MAGI1: variants seen among roughly 807,000 people sequenced by gnomAD.
MAGI1 encodes the protein membrane associated guanylate kinase, WW and PDZ domain containing 1.
In MAGI1, 58 loss-of-function variants were observed where a neutral mutation model predicts 139.9. That is an observed-to-expected ratio of 0.41 (90% CI 0.34 to 0.52). The LOEUF (loss-of-function observed/expected upper bound fraction) is 0.52, where lower values mean the gene tolerates loss of function less well. Among genes scored for constraint, MAGI1 ranks in the 20% least tolerant of loss-of-function variants. The probability of loss-of-function intolerance (pLI) is 0.12; values close to 1 mark genes in which losing one functional copy is unlikely to be tolerated. For missense variants in MAGI1, 1,874 were observed against 1,901.6 expected, an observed-to-expected ratio of 0.99 and a Z score of 0.27; for synonymous variants, 812 against 737.9, an observed-to-expected ratio of 1.10 and a Z score of -1.63.
At chr3:65,864,723 A>C (rs2059663606) in intron 1 of MAGI1, among the ~76,000 whole-genome samples, 1 of 152,202 alleles carries the variant, frequency 6.6e-6, no homozygotes, top group Non-Finnish European at 1.5e-5. Context: ...TGTGGGAGGA[A>C]CACCAGGTGG....
intron 2 of MAGI1, among the ~76,000 whole-genome samples, chr3:65,616,188 T>A (rs986534889): frequency 1.4e-5 from 2 of 143,262 alleles, no homozygotes; most frequent in African/African-American, 5.4e-5. Flanking sequence ...AGCAAACCGA[T>A]GCATAGCAAA....
At chr3:65,720,276 G>C (rs2032848969) in intron 1 of MAGI1, 1 of 152,094 alleles carries the variant, frequency 6.6e-6, no homozygotes, top group Admixed American at 6.5e-5. Context: ...GTGGCAGTAG[G>C]AAGAGGGGTC....
chr3:65,549,542 G>C (rs1053426186), intron 2 of MAGI1: 1 of 934,456 alleles, frequency 1.1e-6, no homozygotes, highest in Non-Finnish European at 1.3e-6. Context: ...GGGCTCGCAG[G>C]CAGTAGGCTC....
intron 1 of MAGI1, among the ~76,000 whole-genome samples, chr3:65,760,664 C>T (rs2036944893): frequency 6.6e-6 from 1 of 152,104 alleles, no homozygotes; most frequent in Admixed American, 6.6e-5. Flanking sequence ...TCCTTTGGTC[C>T]TCAAAGAGGT....
At position 65,818,588 on chromosome 3, in the gene MAGI1, T is replaced by TGTAC. The variant is rs2041755421; in HGVS notation, c.314-196504_314-196501dup. Among the ~76,000 whole-genome samples, 3 of 152,118 alleles carry TGTAC rather than the reference T, an allele frequency of 2.0e-5. No homozygotes were observed. In the South Asian group the frequency reaches 6.2e-4, roughly 32 times the overall value. On this transcript the variant is annotated intron_variant, in intron 1 of 22. Coordinates refer to ENST00000402939, the MANE Select transcript of MAGI1 (RefSeq NM_001033057.2). Reference sequence around the variant, plus strand: ...AGCACTGCTGGCCCAAGAAATGCCTTGTACAACAGCGCAGCAATGGACAAA... The same window carrying TGTAC: ...AGCACTGCTGGCCCAAGAAATGCCTTGTACGTACAACAGCGCAGCAATGGACAAA...
At chr3:65,452,261 T>G (rs988000769) in intron 6 of MAGI1, among the ~76,000 whole-genome samples, 2 of 152,192 alleles carry the variant, frequency 1.3e-5, no homozygotes, top group Non-Finnish European at 2.9e-5. Context: ...CTGCAAACCA[T>G]GTATAATAGA....
At chr3:65,946,523 G>T (rs1468921249) in intron 1 of MAGI1, among the ~76,000 whole-genome samples, 1 of 152,110 alleles carries the variant, frequency 6.6e-6, no homozygotes, top group African/African-American at 2.4e-5. Context: ...GGGTGGCAAT[G>T]ACTTTCAGCA....
At chr3:65,654,790 C>T (rs1450974189) in intron 1 of MAGI1, among the ~76,000 whole-genome samples, 1 of 152,140 alleles carries the variant, frequency 6.6e-6, no homozygotes, top group Non-Finnish European at 1.5e-5. Context: ...TGGGGCCCAC[C>T]AATTGCTCTG....
chr3:65,508,473 A>G (rs1364991192), intron 2 of MAGI1, among the ~76,000 whole-genome samples: 2 of 152,212 alleles, frequency 1.3e-5, no homozygotes, highest in Non-Finnish European at 2.9e-5. Flanking sequence ...TTGAATTATT[A>G]TGTTATATAA....
chr3:65,370,004 G>A (rs1363436924), intron 18 of MAGI1, among the ~76,000 whole-genome samples: 1 of 152,206 alleles, frequency 6.6e-6, no homozygotes, highest in Non-Finnish European at 1.5e-5. Context: ...CGCTTTCACA[G>A]AAAGGAAGTG....
chr3:65,552,859 G>A (rs1464880969), intron 2 of MAGI1, among the ~76,000 whole-genome samples: 1 of 152,174 alleles, frequency 6.6e-6, no homozygotes, highest in Non-Finnish European at 1.5e-5. Context: ...GTTTAATTAT[G>A]AGATGAATTA....
chr3:65,681,898 G>A (rs1357730862), intron 1 of MAGI1, among the ~76,000 whole-genome samples: 5 of 151,920 alleles, frequency 3.3e-5, no homozygotes, highest in Non-Finnish European at 5.9e-5. Context: ...ATGAGGTCTC[G>A]ATAGGTTGCC....
intron 1 of MAGI1, among the ~76,000 whole-genome samples, chr3:65,923,691 C>G (rs1008996885): frequency 1.3e-5 from 2 of 152,130 alleles, no homozygotes; most frequent in Non-Finnish European, 2.9e-5. Context: ...TGAGAGTTAA[C>G]AAGGAGACAT....
chr3:65,990,981 T>C (rs1378968866), intron 1 of MAGI1, among the ~76,000 whole-genome samples: 2 of 151,742 alleles, frequency 1.3e-5, no homozygotes, highest in Non-Finnish European at 2.9e-5. Context: ...AGTGAGACCC[T>C]GTCTCTAAAA....
chr3:65,447,759 A>G (rs6779957), intron 7 of MAGI1, among the ~76,000 whole-genome samples: 49,911 of 152,140 alleles, frequency 0.33, 8,476 homozygotes, highest in Middle Eastern at 0.42. Context: ...AAGACTACCC[A>G]TTACCAATTT....
At chr3:65,719,506 A>G (rs757616953) in intron 1 of MAGI1, among the ~76,000 whole-genome samples, 6 of 151,846 alleles carry the variant, frequency 4.0e-5, no homozygotes, top group African/African-American at 1.2e-4. Context: ...GTTAATGCAT[A>G]GTATTTTATT....
At chr3:65,982,300 T>C (rs2065624664) in intron 1 of MAGI1, among the ~76,000 whole-genome samples, 1 of 152,194 alleles carries the variant, frequency 6.6e-6, no homozygotes, top group African/African-American at 2.4e-5. Flanking sequence ...TCTGCTTATC[T>C]CTTGGCCGAC....
At chr3:65,951,914 C>T (rs979050798) in intron 1 of MAGI1, among the ~76,000 whole-genome samples, 2 of 152,150 alleles carry the variant, frequency 1.3e-5, no homozygotes, top group Non-Finnish European at 2.9e-5. Flanking sequence ...TCTTAAGGCA[C>T]TGAAGAACAA....
chr3:66,026,160 G>A (rs181996121), intron 1 of MAGI1, among the ~76,000 whole-genome samples: 7 of 151,936 alleles, frequency 4.6e-5, no homozygotes, highest in Non-Finnish European at 7.4e-5. Flanking sequence ...AAATTCTAAC[G>A]CTTGGCCAAG....
Sources: gnomAD v4.1 joint callset for allele counts (sites outside exome capture counted in the v4.1 genomes callset) on GRCh38, gnomAD v4.1.1 for gene constraint, MANE v1.5 for transcripts, NCBI Gene and HGNC (gene_info 2026-07-23, HGNC 2026-07-21) for gene names.